The following TOPAZ1 variants were observed in gnomAD, a reference collection of about 807,000 sequenced individuals.
TOPAZ1 encodes the protein testis and ovary specific TOPAZ 1.
In TOPAZ1, 66 loss-of-function variants were observed where a neutral mutation model predicts 172.2. That is an observed-to-expected ratio of 0.38 (90% CI 0.31 to 0.47). TOPAZ1 has a LOEUF of 0.47. TOPAZ1 is among the 20% of genes least tolerant of loss of function. The pLI, the probability that TOPAZ1 is intolerant of heterozygous loss-of-function variation, is 0.99. For missense variants in TOPAZ1, 1,822 were observed against 1,972.4 expected (o/e 0.92, Z 1.44); for synonymous variants, 681 against 683.9 (o/e 1.00, Z 0.07).
chr3:44,327,317 C>T (rs1486413887), intron 18 of TOPAZ1, among the ~76,000 whole-genome samples: 2 of 152,146 alleles, frequency 1.3e-5, no homozygotes, highest in Non-Finnish European at 2.9e-5. Flanking sequence ...AATTTACATA[C>T]ATATTTAAAT....
intron 1 of TOPAZ1, 43 bp from the exon 2 acceptor site, chr3:44,242,810 T>A: frequency 7.2e-7 from 1 of 1,397,298 alleles, no homozygotes; most frequent in Non-Finnish European, 9.4e-7. Context: ...ATTTTCCTCC[T>A]CAATATAAAA....
intron 11 of TOPAZ1, among the ~76,000 whole-genome samples, chr3:44,289,433 G>A (rs1375161494): frequency 6.6e-6 from 1 of 152,248 alleles, no homozygotes; most frequent in African/African-American, 2.4e-5. Flanking sequence ...AGAGCTTAAG[G>A]ATTAGAGCCT....
chr3:44,256,917 A>G (rs1286252049), intron 4 of TOPAZ1, among the ~76,000 whole-genome samples: 1 of 152,140 alleles, frequency 6.6e-6, no homozygotes, highest in African/African-American at 2.4e-5. Context: ...CTGCTTTTAT[A>G]TATGGCTGGC....
intron 16 of TOPAZ1, among the ~76,000 whole-genome samples, chr3:44,320,152 G>C (rs1440670941): frequency 6.6e-6 from 1 of 152,100 alleles, no homozygotes; most frequent in African/African-American, 2.4e-5. Context: ...TTTAAAGAGG[G>C]TCTGAGGTCT....
intron 19 of TOPAZ1, among the ~76,000 whole-genome samples, chr3:44,330,825 G>A (rs1700659471): frequency 6.6e-6 from 1 of 152,208 alleles, no homozygotes; most frequent in African/African-American, 2.4e-5. Flanking sequence ...CATACCGTGT[G>A]AATTTTATGC....
chr3:44,289,336 A>C (rs1422054072), intron 11 of TOPAZ1, among the ~76,000 whole-genome samples: 3 of 152,208 alleles, frequency 2.0e-5, no homozygotes, highest in Admixed American at 1.3e-4. Flanking sequence ...ACTATTTGTT[A>C]AGGTAGTGGA....
intron 2 of TOPAZ1, among the ~76,000 whole-genome samples, chr3:44,252,964 G>A (rs1308988136): frequency 6.6e-6 from 1 of 152,122 alleles, no homozygotes; most frequent in African/African-American, 2.4e-5. Context: ...AACGCCTCCT[G>A]GTGAAAGTGG....
rs969779205 is a variant in TOPAZ1, at chr3:44,242,295, A to G, written c.242A>G (p.Gln81Arg). The stretch of plus-strand genomic sequence containing the variant: ...GGGGCTGGAAAGGCCGCAAGGCGTC[A>G]GGTGGAGGGGCGCAGGGGCCCGGTG... Reference protein sequence around the residue: ...ASGAGKAARRQVEGRRGPVSP... With the variant: ...ASGAGKAARRRVEGRRGPVSP... The change falls in exon 1 of 20, where the codon CAG becomes CGG. Residue 81 changes from glutamine to arginine, a missense_variant. By Grantham distance (43) the Gln-to-Arg change is conservative. This residue lies in a region of TOPAZ1 where 1,489 missense variants were observed against 1,490.8 expected (regional missense o/e 1.00). Coordinates refer to ENST00000309765, the MANE Select transcript of TOPAZ1 (RefSeq NM_001145030.2). The G allele has an allele frequency of 1.9e-6, 3 of 1,551,368 alleles. No homozygotes were observed. Among genetic ancestry groups the G allele is most frequent in the Non-Finnish European group, 2.6e-6 (3 of 1,146,862 alleles).
intron 7 of TOPAZ1, among the ~76,000 whole-genome samples, chr3:44,269,852 G>A (rs933097074): frequency 2.0e-5 from 3 of 152,036 alleles, no homozygotes; most frequent in East Asian, 3.9e-4. Context: ...GGCTGGTCTC[G>A]AACTCCTGAC....
chr3:44,293,156 A>G (rs370285982), intron 12 of TOPAZ1, among the ~76,000 whole-genome samples: 165 of 152,312 alleles, frequency 1.1e-3, no homozygotes, highest in African/African-American at 3.8e-3. Context: ...AGTGTAAACA[A>G]ACTTACTGCG....
intron 12 of TOPAZ1, among the ~76,000 whole-genome samples, chr3:44,292,388 G>A (rs1029263278): frequency 2.6e-5 from 4 of 152,126 alleles, no homozygotes; most frequent in African/African-American, 9.7e-5. Flanking sequence ...CAATCATTGA[G>A]TTCATTCTTC....
chr3:44,298,926 T>A (rs1700235532), intron 12 of TOPAZ1, among the ~76,000 whole-genome samples: 3 of 66,836 alleles, frequency 4.5e-5, no homozygotes, highest in African/African-American at 1.6e-4. Flanking sequence ...TTTTTTTTTT[T>A]TTTTTTTTCC....
At chr3:44,266,957 A>G (rs911446812) in intron 5 of TOPAZ1, 40 bp from the exon 6 acceptor site, 28 of 1,412,362 alleles carry the variant, frequency 2.0e-5, no homozygotes, top group Non-Finnish European at 2.6e-5. Flanking sequence ...ATGTTTAAAA[A>G]TACATTTAAA....
intron 18 of TOPAZ1, among the ~76,000 whole-genome samples, chr3:44,326,253 A>T (rs1392198157): frequency 6.6e-6 from 1 of 152,172 alleles, no homozygotes; most frequent in African/African-American, 2.4e-5. Context: ...GCATCATTTT[A>T]TATTTATATT....
At chr3:44,276,648 T>TAATAA (rs1699962731) in intron 8 of TOPAZ1, among the ~76,000 whole-genome samples, 1 of 64,200 alleles carries the variant, frequency 1.6e-5, no homozygotes, top group East Asian at 1.5e-3. Flanking sequence ...TTTTTTTTTT[T>TAATAA]TTTTTCCAGA....
At chr3:44,250,239 A>T (rs1699614331) in intron 2 of TOPAZ1, among the ~76,000 whole-genome samples, 1 of 110,104 alleles carries the variant, frequency 9.1e-6, no homozygotes, top group South Asian at 5.0e-4. Flanking sequence ...TTACCATGAA[A>T]TGACAAAAAA....
At chr3:44,305,093 T>G in intron 13 of TOPAZ1, 54 bp from the exon 14 acceptor site, 12 of 1,305,156 alleles carry the variant, frequency 9.2e-6, no homozygotes, top group Non-Finnish European at 1.2e-5. Flanking sequence ...TTTGCATAAA[T>G]GACATAGTTT....
intron 11 of TOPAZ1, among the ~76,000 whole-genome samples, chr3:44,290,505 AC>A (rs1700125108): frequency 3.9e-5 from 6 of 152,232 alleles, no homozygotes; most frequent in Non-Finnish European, 5.9e-5. Flanking sequence ...CAGACTGAGT[AC>A]TAAATAAGAG....
intron 4 of TOPAZ1, among the ~76,000 whole-genome samples, chr3:44,261,408 T>C (rs949144410): frequency 3.9e-5 from 6 of 152,190 alleles, no homozygotes; most frequent in African/African-American, 1.4e-4. Context: ...ATTTATTGAA[T>C]AGAGGTCCTT....
Sources: gnomAD v4.1 joint callset for allele counts (sites outside exome capture counted in the v4.1 genomes callset) on GRCh38, gnomAD v4.1.1 for gene constraint, gnomAD v4.1.1 regional missense constraint, MANE v1.5 for transcripts, NCBI Gene and HGNC (gene_info 2026-07-23, HGNC 2026-07-21) for gene names.